Variants in PRKN observed in about 807,000 individuals in gnomAD.
PRKN encodes E3 ubiquitin-protein ligase parkin.
A neutral mutation model predicts 59.5 loss-of-function variants in PRKN; 56 were observed. That is an observed-to-expected ratio of 0.94 (90% CI 0.76 to 1.18). PRKN has a LOEUF of 1.18. Ranked by LOEUF, PRKN falls within the 50% of genes most tolerant of loss-of-function variation. The probability of loss-of-function intolerance (pLI) is 0.00; values close to 1 mark genes in which losing one functional copy is unlikely to be tolerated. For synonymous variants in PRKN, 250 were observed against 222.1 expected (o/e 1.13, Z -1.12); for missense variants, 657 against 596.4 (o/e 1.10, Z -1.06).
intron 6 of PRKN, among the ~76,000 whole-genome samples, chr6:161,890,337 C>T (rs981911920): frequency 1.3e-5 from 2 of 152,168 alleles, no homozygotes; most frequent in Non-Finnish European, 2.9e-5. Context: ...GGCCTTAATC[C>T]ATCTTACACA....
intron 7 of PRKN, among the ~76,000 whole-genome samples, chr6:161,765,827 A>C (rs1235952257): frequency 6.6e-6 from 1 of 152,208 alleles, no homozygotes; most frequent in African/African-American, 2.4e-5. Flanking sequence ...AAGATCACTG[A>C]TTTTGTTGAA....
chr6:162,714,682 G>A (rs1400585590), intron 1 of PRKN, among the ~76,000 whole-genome samples: 2 of 152,188 alleles, frequency 1.3e-5, no homozygotes, highest in African/African-American at 2.4e-5. Flanking sequence ...CTGAAGCTTT[G>A]AGCATATGTT....
chr6:162,698,506 G>A (rs1196431871), intron 1 of PRKN, among the ~76,000 whole-genome samples: 1 of 152,174 alleles, frequency 6.6e-6, no homozygotes, highest in African/African-American at 2.4e-5. Flanking sequence ...ACATGAGCAT[G>A]AGGACCCCAA....
At chr6:161,870,811 A>G (rs1426060477) in intron 6 of PRKN, among the ~76,000 whole-genome samples, 1 of 152,168 alleles carries the variant, frequency 6.6e-6, no homozygotes, top group Non-Finnish European at 1.5e-5. Context: ...TGCAATGGAC[A>G]TTGGTGATAG....
At chr6:161,841,730 A>G (rs1471699498) in intron 6 of PRKN, among the ~76,000 whole-genome samples, 4 of 152,038 alleles carry the variant, frequency 2.6e-5, no homozygotes, top group Non-Finnish European at 4.4e-5. Flanking sequence ...TCAATATCTG[A>G]TCACCCTTGA....
At chr6:161,816,390 G>A (rs989720892) in intron 6 of PRKN, among the ~76,000 whole-genome samples, 1 of 152,064 alleles carries the variant, frequency 6.6e-6, no homozygotes, top group Non-Finnish European at 1.5e-5. Context: ...AGAATCCAAA[G>A]AAACCTGAGG....
intron 4 of PRKN, among the ~76,000 whole-genome samples, chr6:162,079,956 T>C (rs1278879881): frequency 1.3e-5 from 2 of 152,118 alleles, no homozygotes; most frequent in Non-Finnish European, 2.9e-5. Flanking sequence ...TGCTATTGCC[T>C]ACTACAAGCA....
chr6:161,727,102 C>T (rs1787473339), intron 7 of PRKN, among the ~76,000 whole-genome samples: 1 of 152,156 alleles, frequency 6.6e-6, no homozygotes, highest in Non-Finnish European at 1.5e-5. Context: ...GAGACACACA[C>T]AGGAGAAACC....
intron 6 of PRKN, among the ~76,000 whole-genome samples, chr6:161,848,437 C>T (rs1793290345): frequency 6.6e-6 from 1 of 152,088 alleles, no homozygotes; most frequent in Non-Finnish European, 1.5e-5. Context: ...TCTCTAATTC[C>T]TTTTGGTTTT....
intron 3 of PRKN, among the ~76,000 whole-genome samples, chr6:162,220,956 G>A (rs577354501): frequency 6.6e-6 from 1 of 152,272 alleles, no homozygotes; most frequent in Non-Finnish European, 1.5e-5. Flanking sequence ...ATCCTGCATG[G>A]CTTTGGCCAG....
intron 1 of PRKN, among the ~76,000 whole-genome samples, chr6:162,720,725 C>T: frequency 6.6e-6 from 1 of 152,118 alleles, no homozygotes; most frequent in Non-Finnish European, 1.5e-5. Context: ...GCTGGGATTA[C>T]AGGCGTGAGC....
At chr6:162,593,483 T>C (rs1781384274) in intron 1 of PRKN, among the ~76,000 whole-genome samples, 1 of 152,228 alleles carries the variant, frequency 6.6e-6, no homozygotes, top group Non-Finnish European at 1.5e-5. Context: ...TGTGAAACTA[T>C]GGCATCATCT....
chr6:161,355,733 A>AT lies in PRKN; in HGVS notation c.1285+4354dup, dbSNP rs1413658956. On this transcript the variant is annotated intron_variant, in intron 11 of 11. Coordinates refer to ENST00000366898, the MANE Select transcript of PRKN (RefSeq NM_004562.3). The surrounding 1 kb of genome is among the most constrained non-coding windows in gnomAD (Gnocchi z 6.8). ...CAAGCTAAGTTTTAATTCAGCAAATATTTTTTGTCCGGGCTCTCTTCTGGG... is the reference window on the plus strand; with the variant it reads ...CAAGCTAAGTTTTAATTCAGCAAATATTTTTTTGTCCGGGCTCTCTTCTGGG... 1.3e-5 allele frequency among the ~76,000 whole-genome samples: 2 copies of AT among 152,060 alleles called. No individual in the cohort carries two copies. The highest frequency in any genetic ancestry group is 4.8e-5 in the African/African-American group (2 of 41,398).
intron 2 of PRKN, among the ~76,000 whole-genome samples, chr6:162,368,963 T>C (rs547187157): frequency 8.5e-5 from 13 of 152,314 alleles, no homozygotes; most frequent in African/African-American, 2.9e-4. Flanking sequence ...TTCTTTTTTA[T>C]CAGCTAAGCC....
At chr6:162,281,381 G>A (rs769365883) in intron 2 of PRKN, among the ~76,000 whole-genome samples, 2 of 151,422 alleles carry the variant, frequency 1.3e-5, no homozygotes, top group African/African-American at 2.4e-5. Flanking sequence ...AAACCTACAC[G>A]TTCAGCACAT....
chr6:162,060,142 A>G (rs1778036304), intron 4 of PRKN, among the ~76,000 whole-genome samples: 1 of 152,182 alleles, frequency 6.6e-6, no homozygotes, highest in Non-Finnish European at 1.5e-5. Flanking sequence ...TCATACTGAA[A>G]AGTACTCTTT....
chr6:162,461,797 G>C (rs911437338), intron 1 of PRKN, among the ~76,000 whole-genome samples: 1 of 151,126 alleles, frequency 6.6e-6, no homozygotes, highest in Non-Finnish European at 1.5e-5. Context: ...CTGCACTGCA[G>C]CCTGGGCGAC....
At chr6:162,474,075 A>G (rs1791888574) in intron 1 of PRKN, among the ~76,000 whole-genome samples, 1 of 152,176 alleles carries the variant, frequency 6.6e-6, no homozygotes. Flanking sequence ...TTTACTAGTA[A>G]CAGAAACGCC....
intron 6 of PRKN, among the ~76,000 whole-genome samples, chr6:161,849,774 C>T (rs895023135): frequency 4.6e-5 from 7 of 152,124 alleles, no homozygotes; most frequent in Non-Finnish European, 5.9e-5. Flanking sequence ...TAGGAAAAAA[C>T]GGAGAGCAAC....
Sources: gnomAD v4.1 joint callset for allele counts (sites outside exome capture counted in the v4.1 genomes callset) on GRCh38, gnomAD v4.1.1 for gene constraint, Gnocchi (gnomAD v3.1) non-coding constraint, MANE v1.5 for transcripts, NCBI Gene and HGNC (gene_info 2026-07-23, HGNC 2026-07-21) for gene names.